SPTLC3: variants seen among roughly 807,000 people sequenced by gnomAD.
The protein encoded by SPTLC3 is serine palmitoyltransferase long chain base subunit 3, also known as serine palmitoyltransferase 3.
Under a neutral mutation model 59.3 loss-of-function variants are expected in SPTLC3, and 36 were observed. The ratio of observed to expected loss-of-function variants is 0.61; its 90% confidence interval spans 0.47 to 0.80. The LOEUF (loss-of-function observed/expected upper bound fraction) is 0.80. Among genes scored for constraint, SPTLC3 ranks in the 30% least tolerant of loss-of-function variants. SPTLC3 has a pLI of 0.00. For missense variants in SPTLC3, 625 were observed against 685.1 expected, an observed-to-expected ratio of 0.91 and a Z score of 0.98; for synonymous variants, 257 against 240.8, an observed-to-expected ratio of 1.07 and a Z score of -0.62.
chr20:13,011,239 T>C (rs1985227347), intron 1 of SPTLC3, among the ~76,000 whole-genome samples: 1 of 152,188 alleles, frequency 6.6e-6, no homozygotes, highest in Non-Finnish European at 1.5e-5. Context: ...CTCAAGTTCC[T>C]TTGCCACCAG....
In SPTLC3 at chr20:13,164,896, A is replaced by G; in HGVS notation, c.*29A>G. 1 of 1,575,934 alleles carries G rather than the reference A, an allele frequency of 6.3e-7. No homozygotes were observed. Among genetic ancestry groups the G allele is most frequent in the Non-Finnish European group, 8.7e-7 (1 of 1,153,368 alleles). On this transcript the variant is annotated 3_prime_UTR_variant, in exon 12 of 12. Coordinates refer to ENST00000399002, the MANE Select transcript of SPTLC3 (RefSeq NM_018327.4). ...TCCTGGTCCTGAATGACACATAAAGACTTTGCGAGAAAGACCTCCCTCCTT... is the reference window on the plus strand; with the variant it reads ...TCCTGGTCCTGAATGACACATAAAGGCTTTGCGAGAAAGACCTCCCTCCTT...
At chr20:13,110,797 G>T (rs1489380405) in intron 7 of SPTLC3, among the ~76,000 whole-genome samples, 1 of 152,074 alleles carries the variant, frequency 6.6e-6, no homozygotes, top group East Asian at 1.9e-4. Flanking sequence ...ATTTCAGAGT[G>T]CCCAATCCTG....
chr20:13,122,140 G>C (rs2037880802), intron 8 of SPTLC3, among the ~76,000 whole-genome samples: 1 of 152,164 alleles, frequency 6.6e-6, no homozygotes, highest in African/African-American at 2.4e-5. Flanking sequence ...AAACCCGTCT[G>C]TTTTCCATTA....
rs575020358 is a variant in SPTLC3, at chr20:13,024,866, G to A, written c.117+15482G>A. Reference sequence around the variant, plus strand: ...TAGTGTAATCTCTCCAGCAGGAAAGGAACTTAGTTCAGTAATCTTTACAAT... The same window carrying A: ...TAGTGTAATCTCTCCAGCAGGAAAGAAACTTAGTTCAGTAATCTTTACAAT... On this transcript the variant is annotated intron_variant, in intron 1 of 11. Coordinates refer to ENST00000399002, the MANE Select transcript of SPTLC3 (RefSeq NM_018327.4). Among the ~76,000 whole-genome samples, 3 of 152,248 alleles carry A rather than the reference G, an allele frequency of 2.0e-5. No individual in the cohort carries two copies. In the East Asian group the frequency reaches 5.8e-4, roughly 29 times the overall value.
chr20:13,121,801 GAA>G (rs2122766750), intron 8 of SPTLC3, among the ~76,000 whole-genome samples: 1 of 152,286 alleles, frequency 6.6e-6, no homozygotes, highest in African/African-American at 2.4e-5. Flanking sequence ...GACCCTGAGA[GAA>G]AGCAAACTCA....
At chr20:13,077,429 T>G (rs1265181663) in intron 4 of SPTLC3, among the ~76,000 whole-genome samples, 2 of 152,204 alleles carry the variant, frequency 1.3e-5, no homozygotes, top group South Asian at 2.1e-4. Flanking sequence ...CCACTAGACT[T>G]CACCTTTTTA....
chr20:13,116,101 C>T (rs1990532565), intron 7 of SPTLC3, among the ~76,000 whole-genome samples: 1 of 152,198 alleles, frequency 6.6e-6, no homozygotes, highest in African/African-American at 2.4e-5. Flanking sequence ...GTGGAACACA[C>T]AAATGCTGCA....
intron 9 of SPTLC3, among the ~76,000 whole-genome samples, chr20:13,142,520 T>C (rs956519046): frequency 2.6e-5 from 4 of 152,222 alleles, no homozygotes; most frequent in African/African-American, 9.6e-5. Context: ...GATTTGTGCC[T>C]GAGGAATCCC....
chr20:13,103,048 G>A (rs1989669714), intron 6 of SPTLC3, among the ~76,000 whole-genome samples: 1 of 152,168 alleles, frequency 6.6e-6, no homozygotes, highest in African/African-American at 2.4e-5. Flanking sequence ...GCCTAAGGCT[G>A]TGCGACATCT....
intron 1 of SPTLC3, among the ~76,000 whole-genome samples, chr20:13,037,100 T>C (rs1382821882): frequency 6.6e-6 from 1 of 152,132 alleles, no homozygotes; most frequent in Non-Finnish European, 1.5e-5. Flanking sequence ...ATTCCAGAAA[T>C]CCCAATCAGA....
At chr20:13,143,073 C>G (rs1004898815) in intron 9 of SPTLC3, among the ~76,000 whole-genome samples, 3 of 152,188 alleles carry the variant, frequency 2.0e-5, no homozygotes, top group African/African-American at 4.8e-5. Flanking sequence ...TCTCTGTGAT[C>G]ATCTGCTTCA....
intron 6 of SPTLC3, among the ~76,000 whole-genome samples, chr20:13,095,715 T>C (rs1989386964): frequency 6.6e-6 from 1 of 152,112 alleles, no homozygotes; most frequent in African/African-American, 2.4e-5. Flanking sequence ...AGAATCTTAT[T>C]TTTTGAACCT....
chr20:13,116,318 G>A (rs943624867), intron 7 of SPTLC3, among the ~76,000 whole-genome samples: 2 of 152,150 alleles, frequency 1.3e-5, no homozygotes, highest in African/African-American at 2.4e-5. Context: ...TAACCTAAAC[G>A]GTTGTTTGAA....
chr20:13,109,825 A>G (rs1438057322), intron 6 of SPTLC3, among the ~76,000 whole-genome samples: 4 of 152,180 alleles, frequency 2.6e-5, no homozygotes, highest in Non-Finnish European at 5.9e-5. Context: ...TAGAATTTCA[A>G]TCTCTCTAAG....
chr20:13,060,312 T>C (rs1987908173), intron 2 of SPTLC3, among the ~76,000 whole-genome samples: 1 of 152,138 alleles, frequency 6.6e-6, no homozygotes, highest in Non-Finnish European at 1.5e-5. Flanking sequence ...GATTATAGTT[T>C]ACAGAAGCAT....
chr20:13,057,737 C>A (rs1031937325), intron 2 of SPTLC3, among the ~76,000 whole-genome samples: 2 of 152,114 alleles, frequency 1.3e-5, no homozygotes, highest in Non-Finnish European at 2.9e-5. Context: ...TGCTTAAATG[C>A]GACTCTTTAG....
intron 9 of SPTLC3, among the ~76,000 whole-genome samples, chr20:13,127,461 C>G (rs1376514531): frequency 6.6e-6 from 1 of 152,176 alleles, no homozygotes; most frequent in Non-Finnish European, 1.5e-5. Context: ...ATGTGCCTCA[C>G]CCCACCTCCC....
At chr20:13,011,530 G>A (rs1985249607) in intron 1 of SPTLC3, among the ~76,000 whole-genome samples, 1 of 152,098 alleles carries the variant, frequency 6.6e-6, no homozygotes, top group Admixed American at 6.5e-5. Context: ...GGGTTCCCTG[G>A]CATAACAAAC....
At chr20:13,136,619 A>AT (rs1335735608) in intron 9 of SPTLC3, among the ~76,000 whole-genome samples, 1 of 94,216 alleles carries the variant, frequency 1.1e-5, no homozygotes, top group African/African-American at 2.8e-5. Flanking sequence ...ATATATATAT[A>AT]ATATACATAT....
Sources: gnomAD v4.1 joint callset for allele counts (sites outside exome capture counted in the v4.1 genomes callset) on GRCh38, gnomAD v4.1.1 for gene constraint, MANE v1.5 for transcripts, NCBI Gene and HGNC (gene_info 2026-07-23, HGNC 2026-07-21) for gene names.